CDH12: variants seen among roughly 807,000 people sequenced by gnomAD.
CDH12 encodes cadherin 12.
Under a neutral mutation model 74.1 loss-of-function variants are expected in CDH12, and 41 were observed. That is an observed-to-expected ratio of 0.55 (90% CI 0.43 to 0.72). The LOEUF (loss-of-function observed/expected upper bound fraction) is 0.72, where lower values mean the gene tolerates loss of function less well. CDH12 is among the 30% of genes least tolerant of loss of function. The pLI, the probability that CDH12 is intolerant of heterozygous loss-of-function variation, is 0.00. For synonymous variants in CDH12, 399 were observed against 355.0 expected, an observed-to-expected ratio of 1.12 and a Z score of -1.39; for missense variants, 945 against 977.2, an observed-to-expected ratio of 0.97 and a Z score of 0.44.
intron 1 of CDH12, among the ~76,000 whole-genome samples, chr5:22,818,516 CTGTT>C (rs1749505273): frequency 6.6e-6 from 1 of 152,054 alleles, no homozygotes; most frequent in Non-Finnish European, 1.5e-5. Flanking sequence ...TGCAAATAGT[CTGTT>C]TGTTTATTCT....
At chr5:21,777,333 TTTTC>T (rs1159803930) in intron 11 of CDH12, among the ~76,000 whole-genome samples, 1 of 152,174 alleles carries the variant, frequency 6.6e-6, no homozygotes, top group Non-Finnish European at 1.5e-5. Flanking sequence ...AGTCTCTGTT[TTTTC>T]TTTCTAAAAT....
intron 8 of CDH12, among the ~76,000 whole-genome samples, chr5:21,825,949 T>A (rs550562635): frequency 6.6e-6 from 1 of 152,310 alleles, no homozygotes; most frequent in South Asian, 2.1e-4. Context: ...AACAGTTTTT[T>A]AAATGCTTTA....
intron 4 of CDH12, among the ~76,000 whole-genome samples, chr5:22,171,701 C>G (rs535042645): frequency 1.3e-5 from 2 of 152,086 alleles, no homozygotes; most frequent in South Asian, 4.1e-4. Flanking sequence ...AGGGTCAGAA[C>G]TTAATCCTTT....
At chr5:22,322,378 AC>A (rs1403010042) in intron 3 of CDH12, among the ~76,000 whole-genome samples, 3 of 145,422 alleles carry the variant, frequency 2.1e-5, no homozygotes, top group African/African-American at 5.2e-5. Flanking sequence ...AAAAAAAAAA[AC>A]ATGGTAATCT....
intron 13 of CDH12, among the ~76,000 whole-genome samples, chr5:21,757,066 A>T (rs1443759499): frequency 6.6e-6 from 1 of 152,212 alleles, no homozygotes; most frequent in Non-Finnish European, 1.5e-5. Flanking sequence ...TGACTAATAG[A>T]AATAGAATGT....
At chr5:22,248,814 A>T (rs908348862) in intron 3 of CDH12, among the ~76,000 whole-genome samples, 1 of 152,140 alleles carries the variant, frequency 6.6e-6, no homozygotes, top group South Asian at 2.1e-4. Flanking sequence ...CTCACTTATC[A>T]TATAAGTAAC....
intron 3 of CDH12, among the ~76,000 whole-genome samples, chr5:22,245,540 T>G (rs1752914823): frequency 6.6e-6 from 1 of 152,070 alleles, no homozygotes; most frequent in Admixed American, 6.5e-5. Context: ...ATACAAATGA[T>G]AGGGCACAGT....
chr5:22,200,869 C>A (rs566112191), intron 4 of CDH12, among the ~76,000 whole-genome samples: 1 of 152,308 alleles, frequency 6.6e-6, no homozygotes, highest in South Asian at 2.1e-4. Flanking sequence ...AGGCATAGAA[C>A]CTGCCATCAA....
chr5:22,353,533 A>G (rs1740438670), intron 3 of CDH12, among the ~76,000 whole-genome samples: 1 of 152,164 alleles, frequency 6.6e-6, no homozygotes, highest in Non-Finnish European at 1.5e-5. Flanking sequence ...CATCTCTAAA[A>G]TTGACATTTT....
chr5:22,063,591 C>T (rs1295873277), intron 5 of CDH12, among the ~76,000 whole-genome samples: 1 of 151,986 alleles, frequency 6.6e-6, no homozygotes, highest in African/African-American at 2.4e-5. Context: ...TGATTACCTT[C>T]TCTTTTACAT....
At chr5:22,338,528 C>T (rs954626678) in intron 3 of CDH12, among the ~76,000 whole-genome samples, 3 of 151,772 alleles carry the variant, frequency 2.0e-5, no homozygotes, top group Admixed American at 6.6e-5. Context: ...AGTAGGGGGA[C>T]TATAGCCAAT....
intron 1 of CDH12, among the ~76,000 whole-genome samples, chr5:22,745,637 G>A (rs1176443224): frequency 6.6e-6 from 1 of 152,100 alleles, no homozygotes; most frequent in African/African-American, 2.4e-5. Context: ...TGGAGCTGGA[G>A]GCCATTATCC....
chr5:21,938,640 T>C (rs1255763385), intron 6 of CDH12, among the ~76,000 whole-genome samples: 1 of 148,820 alleles, frequency 6.7e-6, no homozygotes, highest in African/African-American at 2.5e-5. Context: ...CTTTTATCTG[T>C]CATTTTTGTT....
At position 22,358,399 on chromosome 5, in the gene CDH12, C is replaced by T. The variant is rs140601385; in HGVS notation, c.-333+46858G>A. On this transcript the variant is annotated intron_variant, in intron 3 of 14. Coordinates refer to ENST00000382254, the MANE Select transcript of CDH12 (RefSeq NM_004061.5). ...CTCCACTCCAGCCTGGAAGATAGAG[C>T]GAGACTCTGTCTCCCAGAAAAAAAA... Among the ~76,000 whole-genome samples the T allele has an allele frequency of 6.8e-3, 1,037 of 151,908 alleles. 7 individuals are homozygous for T. The highest frequency in any genetic ancestry group is 0.01 in the Non-Finnish European group (696 of 67,970).
chr5:22,688,100 C>G lies in CDH12; in HGVS notation c.-523+164958G>C, dbSNP rs577257974. On this transcript the variant is annotated intron_variant, in intron 1 of 14. Coordinates refer to ENST00000382254, the MANE Select transcript of CDH12 (RefSeq NM_004061.5). ...TACCAGCTGTGTGACTGACAGGACT[C>G]TTTTCCCCTACATAGTCCCGTTTCA... 2.6e-5 allele frequency among the ~76,000 whole-genome samples: 4 copies of G among 152,130 alleles called. No individual in the cohort carries two copies. The South Asian group carries it at 8.3e-4, about 32-fold the overall frequency.
chr5:22,823,662 G>A (rs1407852526), intron 1 of CDH12, among the ~76,000 whole-genome samples: 1 of 152,098 alleles, frequency 6.6e-6, no homozygotes. Flanking sequence ...GTTGAGAAAG[G>A]GACCTGGCAG....
intron 2 of CDH12, among the ~76,000 whole-genome samples, chr5:22,474,168 G>C (rs1271651361): frequency 6.6e-6 from 1 of 152,164 alleles, no homozygotes; most frequent in Non-Finnish European, 1.5e-5. Context: ...CTGAAAAACA[G>C]AGAAGGATGT....
At chr5:21,919,763 AT>A (rs1447910239) in intron 6 of CDH12, among the ~76,000 whole-genome samples, 1 of 152,152 alleles carries the variant, frequency 6.6e-6, no homozygotes, top group Non-Finnish European at 1.5e-5. Context: ...ATTAATTAAT[AT>A]TGTAGTTACT....
chr5:22,736,013 T>C (rs1314866575), intron 1 of CDH12, among the ~76,000 whole-genome samples: 1 of 151,842 alleles, frequency 6.6e-6, no homozygotes, highest in Non-Finnish European at 1.5e-5. Flanking sequence ...ATATTCTGAT[T>C]TTCTATTATC....
Sources: gnomAD v4.1 joint callset for allele counts (sites outside exome capture counted in the v4.1 genomes callset) on GRCh38, gnomAD v4.1.1 for gene constraint, MANE v1.5 for transcripts, NCBI Gene and HGNC (gene_info 2026-07-23, HGNC 2026-07-21) for gene names.